The following MORC4 variants were observed in gnomAD, a reference collection of about 807,000 sequenced individuals.
MORC4 encodes MORC family CW-type zinc finger 4.
A neutral mutation model predicts 65.5 loss-of-function variants in MORC4; 22 were observed. The observed-to-expected ratio is 0.34, with a 90% CI of 0.24 to 0.48. MORC4 has a LOEUF of 0.48. MORC4 is among the 20% of genes least tolerant of loss of function. The pLI is 0.99. For missense variants in MORC4, 624 were observed against 703.0 expected (o/e 0.89, Z 1.27); for synonymous variants, 267 against 255.8 (o/e 1.04, Z -0.42).
At chrX:106,987,120 T>C (rs1165330599) in intron 3 of MORC4, among the ~76,000 whole-genome samples, 4 of 111,730 alleles carry the variant, frequency 3.6e-5, no homozygotes, top group Admixed American at 9.5e-5. Context: ...TACAAACTTA[T>C]AGTTAGATAG....
intron 9 of MORC4, among the ~76,000 whole-genome samples, chrX:106,962,555 C>A (rs765917220): frequency 7.2e-5 from 8 of 111,612 alleles, no homozygotes; most frequent in African/African-American, 2.6e-4. Flanking sequence ...AAATACTATA[C>A]CCTATCTATT....
Position 106,942,860 on chromosome X carries a change from A to G in MORC4, c.2031T>C (p.Gly677=). The part of the protein sequence containing the change: ...PRLVAEESNR[G]STTINKEEVN... ...CTTCTTCTTTGTTTATGGTTGTGCT[A>G]CCTCTGTTAGATTCTTCTGCCACCA... is the stretch of plus-strand genomic sequence containing the variant. Residue 677 remains glycine (G), a synonymous_variant, in exon 15 of 17, where the codon GGT becomes GGC. Coordinates refer to ENST00000355610, the MANE Select transcript of MORC4 (RefSeq NM_024657.5). The G allele has an allele frequency of 8.3e-7, 1 of 1,211,152 alleles. No individual in the cohort carries two copies. The highest frequency in any genetic ancestry group is 1.1e-6 in the Non-Finnish European group (1 of 895,154).
At chrX:106,954,348 G>A (rs1428539858) in intron 14 of MORC4, among the ~76,000 whole-genome samples, 1 of 112,400 alleles carries the variant, frequency 8.9e-6, no homozygotes, top group Non-Finnish European at 1.9e-5. Context: ...GCTTCTTCTT[G>A]TTATGAAGAC....
chrX:106,985,707 G>A, intron 4 of MORC4, among the ~76,000 whole-genome samples: 1 of 110,119 alleles, frequency 9.1e-6, no homozygotes, highest in South Asian at 3.9e-4. Flanking sequence ...GGCCTTCGGA[G>A]CTTTACCATG....
At position 106,942,675 on chromosome X, in the gene MORC4, G is replaced by A. The variant is rs772489097; in HGVS notation, c.2216C>T (p.Ala739Val). The A allele has an allele frequency of 5.0e-6, 6 of 1,209,757 alleles. No individual in the cohort carries two copies. In the African/African-American group the frequency reaches 1.1e-4, roughly 21 times the overall value. Residue 739 changes from alanine to valine, a missense_variant, in exon 15 of 17, where the codon GCA becomes GTA. Physicochemically the swap from Ala to Val is moderately conservative, Grantham distance 64. Coordinates refer to ENST00000355610, the MANE Select transcript of MORC4 (RefSeq NM_024657.5). ...NPVPYSVASA[A>V]IPAAAIGEKA... ...CTCCCCAATGGCTGCAGCAGGGATT[G>A]CAGCAGAGGCCACAGAATAAGGCAC... is the stretch of plus-strand genomic sequence containing the variant.
chrX:106,999,895 C>A lies in MORC4; in HGVS notation c.75G>T (p.Pro25=). Residue 25 remains proline, a synonymous_variant, in exon 1 of 17, where the codon CCG becomes CCT. Transcript: ENST00000355610. ...TGCTCAGGCGGATCCCGAAGGCCTGCGGGCCGCCGCCGGGCCGGGCCAGCC... is the reference window on the plus strand; with the variant it reads ...TGCTCAGGCGGATCCCGAAGGCCTGAGGGCCGCCGCCGGGCCGGGCCAGCC... ...GCGLARPGGG[P]QAFGIRLSTM... is the part of the protein sequence containing the mutation. 15 of 827,568 alleles carry A rather than the reference C, an allele frequency of 1.8e-5. No homozygotes were observed. The highest frequency in any genetic ancestry group is 2.2e-5 in the Non-Finnish European group (15 of 687,608). The allele number at this position is 827,568 out of a possible 1,213,427, so 68.2% of individuals were successfully genotyped here. A position where few individuals can be genotyped will look rare whatever the true frequency, so the allele number is the denominator to read the frequency against.
rs1047357708 is a variant in MORC4, at chrX:106,986,681, C to G, written c.309-481G>C. Among the ~76,000 whole-genome samples the G allele has an allele frequency of 2.7e-5, 3 of 111,874 alleles. No individual in the cohort carries two copies. The Admixed American group carries it at 2.8e-4, about 11-fold the overall frequency. On this transcript the variant is annotated intron_variant, in intron 3 of 16. Transcript: ENST00000355610. ...TCTCCTAACCTGTTTATATCATCCT[C>G]TAGAAATCTGAAAGTCAGGGATCAT...
intron 10 of MORC4, among the ~76,000 whole-genome samples, chrX:106,961,636 T>C (rs1453466516): frequency 1.8e-5 from 2 of 111,468 alleles, no homozygotes; most frequent in Non-Finnish European, 3.8e-5. Flanking sequence ...AGCAGGATTC[T>C]AAAAGTAGCC....
intron 14 of MORC4, among the ~76,000 whole-genome samples, chrX:106,945,208 T>C (rs1307286958): frequency 9.0e-6 from 1 of 111,372 alleles, no homozygotes; most frequent in East Asian, 2.8e-4. Context: ...TTTCTCAAGG[T>C]GGCTAGTAAG....
At chrX:106,969,530 T>C (rs1926509086) in intron 9 of MORC4, among the ~76,000 whole-genome samples, 1 of 111,541 alleles carries the variant, frequency 9.0e-6, no homozygotes, top group South Asian at 3.7e-4. Context: ...ATTCAATGAA[T>C]CTCAGAAGCT....
chrX:106,998,569 T>C (rs1001559295), intron 2 of MORC4, among the ~76,000 whole-genome samples: 2 of 112,527 alleles, frequency 1.8e-5, no homozygotes, highest in African/African-American at 6.5e-5. Flanking sequence ...ACTTGGATTG[T>C]ATTCCATTCT....
intron 9 of MORC4, among the ~76,000 whole-genome samples, chrX:106,964,837 C>T (rs1415604187): frequency 1.8e-5 from 2 of 110,819 alleles, no homozygotes; most frequent in African/African-American, 6.6e-5. Context: ...TGGTGAAACG[C>T]TGTCTCTACT....
intron 4 of MORC4, among the ~76,000 whole-genome samples, chrX:106,985,715 A>G (rs1212879127): frequency 9.0e-6 from 1 of 110,628 alleles, no homozygotes; most frequent in Non-Finnish European, 1.9e-5. Flanking sequence ...GAGCTTTACC[A>G]TGGGGTGGTG....
intron 14 of MORC4, among the ~76,000 whole-genome samples, chrX:106,950,696 C>A (rs1427810048): frequency 9.0e-6 from 1 of 111,594 alleles, no homozygotes; most frequent in Non-Finnish European, 1.9e-5. Context: ...CGTGGATCTG[C>A]CTGGAATAGA....
At chrX:106,958,579 T>G (rs1934163773) in intron 10 of MORC4, 115 bp from the exon 11 acceptor site, 2 of 637,569 alleles carry the variant, frequency 3.1e-6, no homozygotes, top group Non-Finnish European at 4.5e-6. Context: ...TGAAATATGT[T>G]GGGAATGTTA....
chrX:106,991,792 C>A (rs1427284478), intron 3 of MORC4, among the ~76,000 whole-genome samples: 1 of 111,110 alleles, frequency 9.0e-6, no homozygotes, highest in Non-Finnish European at 1.9e-5. Flanking sequence ...ATAATCCCAG[C>A]TACTCGGGAG....
chrX:106,981,140 T>C, intron 6 of MORC4, 121 bp from the exon 7 acceptor site: 1 of 927,271 alleles, frequency 1.1e-6, no homozygotes, highest in East Asian at 3.1e-5. Flanking sequence ...TCAGTTTCTA[T>C]ACCTTATTAC....
intron 10 of MORC4, among the ~76,000 whole-genome samples, chrX:106,961,560 TTGTAAAACGCACCAATCAGTGCTC>T (rs1200224269): frequency 1.2e-4 from 13 of 111,423 alleles, no homozygotes; most frequent in East Asian, 2.8e-4. Context: ...TACAAGAGGA[TTGTAAAACGCACCAATCAGTGCTC>T]TGTAAAACGC....
At chrX:106,960,208 A>C (rs1934201975) in intron 10 of MORC4, among the ~76,000 whole-genome samples, 1 of 112,328 alleles carries the variant, frequency 8.9e-6, no homozygotes, top group Admixed American at 9.4e-5. Flanking sequence ...CTACATGCAT[A>C]TGCATAGGAG....
Sources: gnomAD v4.1 joint callset for allele counts (sites outside exome capture counted in the v4.1 genomes callset) on GRCh38, gnomAD v4.1.1 for gene constraint, MANE v1.5 for transcripts, NCBI Gene and HGNC (gene_info 2026-07-23, HGNC 2026-07-21) for gene names.